Variants in ZNF827 observed in about 807,000 individuals in gnomAD.
ZNF827 encodes zinc finger protein 827.
Under a neutral mutation model 102.4 loss-of-function variants are expected in ZNF827, and 13 were observed. That is an observed-to-expected ratio of 0.13 (90% CI 0.08 to 0.20). ZNF827 has a LOEUF of 0.20. Ranked by LOEUF, ZNF827 falls within the 10% of genes least tolerant of loss-of-function variation. ZNF827 has a pLI of 1.00. For missense variants in ZNF827, 1,103 were observed against 1,344.4 expected (o/e 0.82, Z 2.81); for synonymous variants, 523 against 536.2 (o/e 0.98, Z 0.34).
At chr4:145,862,802 T>C (rs960122286) in intron 5 of ZNF827, among the ~76,000 whole-genome samples, 1 of 152,252 alleles carries the variant, frequency 6.6e-6, no homozygotes, top group African/African-American at 2.4e-5. Context: ...ACTTTCCTTT[T>C]AATATTAAAC....
At chr4:145,801,928 G>A (rs977319097) in intron 8 of ZNF827, among the ~76,000 whole-genome samples, 1 of 152,096 alleles carries the variant, frequency 6.6e-6, no homozygotes, top group African/African-American at 2.4e-5. Flanking sequence ...CAGGGAGGGT[G>A]GGGAGGGCAG....
chr4:145,789,608 G>A (rs552620513), intron 8 of ZNF827, among the ~76,000 whole-genome samples: 3 of 152,210 alleles, frequency 2.0e-5, no homozygotes, highest in South Asian at 2.1e-4. Flanking sequence ...TGAACTCAAC[G>A]TCACCTAGCT....
intron 8 of ZNF827, among the ~76,000 whole-genome samples, 155 bp downstream of exon 8, chr4:145,823,267 T>C (rs1743329720): frequency 6.6e-6 from 1 of 152,234 alleles, no homozygotes; most frequent in Non-Finnish European, 1.5e-5. Flanking sequence ...TAATAAACTT[T>C]TGTAGCTTAA....
chr4:145,883,252 T>A (rs1422952824), intron 4 of ZNF827, among the ~76,000 whole-genome samples: 1 of 152,168 alleles, frequency 6.6e-6, no homozygotes, highest in Non-Finnish European at 1.5e-5. Flanking sequence ...TGCATACAAG[T>A]CAGGTTTCAG....
intron 4 of ZNF827, among the ~76,000 whole-genome samples, chr4:145,878,602 CAGGAAAGGAAAGGAAAGGAAAGGAA>C (rs869069442): frequency 6.3e-5 from 4 of 63,484 alleles, no homozygotes; most frequent in African/African-American, 2.5e-4. Context: ...CAGGACAGGA[CAGGAAAGGAAAGGAAAGGAAAGGAA>C]AGGAAAGGAA....
chr4:145,762,131 A>G lies in ZNF827; in HGVS notation c.*18-533T>C, dbSNP rs1006707140. Among the ~76,000 whole-genome samples the G allele has an allele frequency of 6.6e-6, 1 of 152,150 alleles. No individual in the cohort carries two copies. Among genetic ancestry groups the G allele is most frequent in the Non-Finnish European group, 1.5e-5 (1 of 68,014 alleles). On this transcript the variant is annotated intron_variant, in intron 14 of 14. Transcript: ENST00000508784. This position sits in a 1 kb window ranked among gnomAD's most constrained non-coding sequence, Gnocchi z 4.9. ...CAAACAGAAAGTCACAGGGGTCAGAATCGTGCTTATTAAGGGTTTGTTAGG... is the reference window on the plus strand; with the variant it reads ...CAAACAGAAAGTCACAGGGGTCAGAGTCGTGCTTATTAAGGGTTTGTTAGG...
At chr4:145,913,509 ATAC>A (rs1752448650) in intron 1 of ZNF827, among the ~76,000 whole-genome samples, 1 of 151,996 alleles carries the variant, frequency 6.6e-6, no homozygotes, top group African/African-American at 2.4e-5. Flanking sequence ...ACAAAAAGAT[ATAC>A]TCATCCTTAC....
chr4:145,821,683 G>A (rs148769471), intron 8 of ZNF827, among the ~76,000 whole-genome samples: 175 of 152,106 alleles, frequency 1.2e-3, no homozygotes, highest in African/African-American at 4.0e-3. Flanking sequence ...TCAGCAGGGC[G>A]AATTTACATT....
chr4:145,760,700 G>T lies in ZNF827; in HGVS notation c.*916C>A. 9.9e-7 allele frequency: 1 copy of T among 1,011,080 alleles called. No homozygotes were observed. Among genetic ancestry groups the T allele is most frequent in the Non-Finnish European group, 1.2e-6 (1 of 816,090 alleles). 62.6% of individuals were successfully genotyped at this position (1,011,080 alleles called of 1,614,324 possible). On this transcript the variant is annotated 3_prime_UTR_variant, in exon 15 of 15. Transcript: ENST00000508784. ...TTTTGCAGCAACATACACCTGCTGGGGTTGTGTTTAAGTTTTGTGGTTTTT... is the reference window on the plus strand; with the variant it reads ...TTTTGCAGCAACATACACCTGCTGGTGTTGTGTTTAAGTTTTGTGGTTTTT...
chr4:145,888,001 A>C (rs1376453016), intron 3 of ZNF827, among the ~76,000 whole-genome samples: 11 of 152,222 alleles, frequency 7.2e-5, no homozygotes, highest in Admixed American at 7.2e-4. Flanking sequence ...TGGAAGAAGG[A>C]AAAGGACAGA....
intron 8 of ZNF827, among the ~76,000 whole-genome samples, chr4:145,797,235 A>T (rs1740474413): frequency 6.6e-6 from 1 of 152,218 alleles, no homozygotes; most frequent in Admixed American, 6.5e-5. Context: ...TAGAGGTCAG[A>T]TCCTATCAGG....
chr4:145,781,795 A>G (rs572750485), intron 8 of ZNF827, among the ~76,000 whole-genome samples: 2 of 152,380 alleles, frequency 1.3e-5, no homozygotes, highest in African/African-American at 4.8e-5. Flanking sequence ...TCAAAGAACA[A>G]TAACGGTAAT....
intron 8 of ZNF827, among the ~76,000 whole-genome samples, chr4:145,811,241 C>T (rs1319091938): frequency 1.3e-5 from 2 of 152,320 alleles, no homozygotes; most frequent in Non-Finnish European, 2.9e-5. Flanking sequence ...AATGTTTGGC[C>T]TGCCTCGCCT....
intron 1 of ZNF827, among the ~76,000 whole-genome samples, chr4:145,921,956 T>C (rs563073640): frequency 4.6e-5 from 7 of 152,138 alleles, no homozygotes; most frequent in Non-Finnish European, 1.0e-4. Flanking sequence ...GAAACAAAGG[T>C]AATTTGACTG....
intron 1 of ZNF827, 138 bp downstream of exon 1, chr4:145,938,227 A>C: frequency 1.3e-4 from 120 of 945,206 alleles, no homozygotes; most frequent in Middle Eastern, 4.5e-4. Flanking sequence ...ACGAGGAGTA[A>C]CCCGGGCTGT....
At chr4:145,789,096 T>C (rs1296523672) in intron 8 of ZNF827, among the ~76,000 whole-genome samples, 1 of 152,232 alleles carries the variant, frequency 6.6e-6, no homozygotes, top group African/African-American at 2.4e-5. Context: ...CCTTCTTGGC[T>C]GTCTGAAGGT....
chr4:145,809,386 G>C (rs1741797409), intron 8 of ZNF827, among the ~76,000 whole-genome samples: 1 of 152,164 alleles, frequency 6.6e-6, no homozygotes, highest in Admixed American at 6.5e-5. Context: ...TGGGCCTAGG[G>C]CAGGCTAACC....
At position 145,935,611 on chromosome 4, in the gene ZNF827, T is replaced by C. The variant is rs192081952; in HGVS notation, c.43+2754A>G. Among the ~76,000 whole-genome samples the C allele has an allele frequency of 1.8e-3, 272 of 152,280 alleles. 1 individual carries two copies. The highest frequency in any genetic ancestry group is 2.6e-4 in the Non-Finnish European group (18 of 68,026). ...ACTTTTACGGTGTTTCCAAAGGTAA[T>C]TGCTTCTTACTTCAGTAAAAGTGAC... On this transcript the variant is annotated intron_variant, in intron 1 of 14. Transcript: ENST00000508784.
intron 7 of ZNF827, among the ~76,000 whole-genome samples, chr4:145,826,389 T>G (rs921925500): frequency 5.9e-5 from 9 of 152,198 alleles, no homozygotes; most frequent in African/African-American, 2.2e-4. Context: ...GGCACTGATT[T>G]AAGGTGCTTT....
Sources: allele counts gnomAD v4.1 joint callset (sites outside exome capture counted in the v4.1 genomes callset), GRCh38; gene constraint gnomAD v4.1.1; non-coding constraint Gnocchi (gnomAD v3.1); transcripts MANE v1.5; gene names NCBI Gene and HGNC (gene_info 2026-07-23, HGNC 2026-07-21).